The following SLC22A3 variants were observed in gnomAD, a reference collection of about 807,000 sequenced individuals.
SLC22A3 encodes solute carrier family 22 member 3.
In SLC22A3, 51 loss-of-function variants were observed where a neutral mutation model predicts 59.1. The ratio of observed to expected loss-of-function variants is 0.86; its 90% CI spans 0.69 to 1.09. SLC22A3 has a LOEUF of 1.09. Among genes scored for constraint, SLC22A3 ranks in the 50% least tolerant of loss-of-function variants. The pLI is 0.00. For synonymous variants in SLC22A3, 325 were observed against 292.0 expected (o/e 1.11, Z -1.15); for missense variants, 711 against 726.3 (o/e 0.98, Z 0.24).
chr6:160,437,842 C>T (rs899345702), intron 7 of SLC22A3, among the ~76,000 whole-genome samples: 2 of 152,112 alleles, frequency 1.3e-5, no homozygotes, highest in East Asian at 1.9e-4. Context: ...AGAGAGAGGA[C>T]GGACGTTTCC....
At position 160,408,808 on chromosome 6, in the gene SLC22A3, G is replaced by A. The variant is rs1409922741; in HGVS notation, c.744G>A (p.Met248Ile). The change falls in exon 4 of 11, where the codon ATG becomes ATA. Residue 248 changes from methionine (M) to isoleucine (I), a missense_variant. Physicochemically the swap from Met to Ile is conservative, Grantham distance 10 (BLOSUM62 1). Coordinates refer to ENST00000275300, the MANE Select transcript of SLC22A3 (RefSeq NM_021977.4). ...GGATTGTGGGAATCGTGATTCAAAT[G>A]TTCTTTACCCTTGGAATCATAATTC... ...QRRIVGIVIQ[M>I]FFTLGIIILP... The A allele has an allele frequency of 1.2e-6, 2 of 1,613,598 alleles. No individual in the cohort carries two copies. Among genetic ancestry groups the A allele is most frequent in the Admixed American group, 1.7e-5 (1 of 59,924 alleles).
rs533560374 is a variant in SLC22A3 at position 160,405,746 on chromosome 6, A to C, written c.534-1295A>C. Among the ~76,000 whole-genome samples, 707 of 152,294 alleles carry C rather than the reference A, an allele frequency of 4.6e-3. 3 individuals are homozygous for C. The highest frequency in any genetic ancestry group is 0.016 in the African/African-American group (682 of 41,572). On this transcript the variant is annotated intron_variant, in intron 2 of 10. Transcript: ENST00000275300. ...TATGGAATATTATTCCATGCTGAAAAGAAATGAGCTATCAAGCTATGAAAA... is the reference window on the plus strand; with the variant it reads ...TATGGAATATTATTCCATGCTGAAACGAAATGAGCTATCAAGCTATGAAAA...
At position 160,442,788 on chromosome 6, in the gene SLC22A3, C is replaced by A; in HGVS notation, c.1316C>A (p.Ala439Asp). 1.2e-6 allele frequency: 2 copies of A among 1,613,944 alleles called. No homozygotes were observed. Among genetic ancestry groups the A allele is most frequent in the South Asian group, 1.1e-5 (1 of 91,078 alleles). The change falls in exon 8 of 11, where the codon GCT (alanine) becomes GAT (aspartate). Residue 439 changes from alanine (A) to aspartate (D), a missense_variant. Coordinates refer to ENST00000275300, the MANE Select transcript of SLC22A3 (RefSeq NM_021977.4). ...ATAGCATGGTTGAGGACCACAGTGG[C>A]TACATTGGGAAGACTAGGGATAACC... ...EGIAWLRTTV[A>D]TLGRLGITMA... is the part of the protein sequence containing the mutation.
At chr6:160,447,148 TGA>T (rs1788774950) in intron 9 of SLC22A3, among the ~76,000 whole-genome samples, 2 of 152,146 alleles carry the variant, frequency 1.3e-5, no homozygotes. Flanking sequence ...GAGGTGAGAT[TGA>T]GAGAAGGCTG....
At chr6:160,370,999 C>T (rs955958577) in intron 1 of SLC22A3, among the ~76,000 whole-genome samples, 1 of 152,158 alleles carries the variant, frequency 6.6e-6, no homozygotes, top group African/African-American at 2.4e-5. Flanking sequence ...AGCTTACCTC[C>T]TCTCCCTCCT....
intron 7 of SLC22A3, among the ~76,000 whole-genome samples, chr6:160,441,415 C>A (rs1466731711): frequency 2.6e-5 from 4 of 152,068 alleles, no homozygotes. Context: ...CTCCTCACTG[C>A]CTGATATAAC....
chr6:160,419,960 T>C (rs956654996), intron 5 of SLC22A3, among the ~76,000 whole-genome samples: 1 of 152,210 alleles, frequency 6.6e-6, no homozygotes, highest in Admixed American at 6.5e-5. Flanking sequence ...TCTTTAGCTT[T>C]TTGAAAACAA....
chr6:160,365,873 A>C (rs1172487598), intron 1 of SLC22A3, among the ~76,000 whole-genome samples: 1 of 152,148 alleles, frequency 6.6e-6, no homozygotes, highest in African/African-American at 2.4e-5. Flanking sequence ...CCTTCTTCAC[A>C]TGGAGGCAGC....
In SLC22A3 at chr6:160,451,154, C is replaced by G; in HGVS notation, c.*98C>G. On this transcript the variant is annotated 3_prime_UTR_variant, in exon 11 of 11. Transcript: ENST00000275300. Reference sequence around the variant, plus strand: ...ATGCACGTGTGCATTTCAGCTACATCATGCCGCGCTGTTGTAATACTGTAT... The same window carrying G: ...ATGCACGTGTGCATTTCAGCTACATGATGCCGCGCTGTTGTAATACTGTAT... 3.7e-6 allele frequency: 4 copies of G among 1,073,160 alleles called. No homozygotes were observed. The highest frequency in any genetic ancestry group is 5.6e-6 in the Non-Finnish European group (4 of 710,740). The allele number at this position is 1,073,160 out of a possible 1,614,324, so 66.5% of individuals were successfully genotyped here.
intron 1 of SLC22A3, among the ~76,000 whole-genome samples, chr6:160,379,810 A>C (rs1451254690): frequency 6.6e-6 from 1 of 152,204 alleles, no homozygotes; most frequent in East Asian, 1.9e-4. Flanking sequence ...TGACTATGTC[A>C]CCAGATTTTA....
At chr6:160,416,044 A>G (rs1583492937) in intron 5 of SLC22A3, among the ~76,000 whole-genome samples, 1 of 152,310 alleles carries the variant, frequency 6.6e-6, no homozygotes, top group East Asian at 1.9e-4. Flanking sequence ...TATCCTGTAA[A>G]TCATCTCAGT....
Position 160,451,060 on chromosome 6 carries a change from C to A in SLC22A3, c.*4C>A, listed in dbSNP as rs1220280685. On this transcript the variant is annotated 3_prime_UTR_variant, in exon 11 of 11. Transcript: ENST00000275300. ...AGTTTCCCGCTCTCACCTTTGAGGC[C>A]CCCGACAAAGACAGAAAGAAGGAGC... The A allele has an allele frequency of 3.1e-6, 5 of 1,588,976 alleles. No individual in the cohort carries two copies. In the South Asian group the frequency reaches 4.6e-5, roughly 15 times the overall value.
intron 5 of SLC22A3, among the ~76,000 whole-genome samples, chr6:160,423,868 T>G (rs550257792): frequency 6.6e-6 from 1 of 152,362 alleles, no homozygotes; most frequent in East Asian, 1.9e-4. Context: ...GCCATTGCTT[T>G]TGGTGTTTTA....
intron 1 of SLC22A3, among the ~76,000 whole-genome samples, chr6:160,376,656 T>C (rs866756012): frequency 5.3e-5 from 8 of 152,324 alleles, no homozygotes; most frequent in South Asian, 4.1e-4. Flanking sequence ...TGCTCAATTG[T>C]TGAAGGCTGC....
At chr6:160,445,301 A>G (rs1216337987) in intron 9 of SLC22A3, among the ~76,000 whole-genome samples, 2 of 152,172 alleles carry the variant, frequency 1.3e-5, no homozygotes, top group Non-Finnish European at 2.9e-5. Flanking sequence ...AGGATGCCGC[A>G]TCCTCAAGCA....
chr6:160,371,365 A>C (rs1197316734), intron 1 of SLC22A3, among the ~76,000 whole-genome samples: 1 of 151,884 alleles, frequency 6.6e-6, no homozygotes, highest in Non-Finnish European at 1.5e-5. Context: ...CTGGTGTGTG[A>C]TGTTCCCCTC....
chr6:160,409,319 A>T (rs1238537135), intron 4 of SLC22A3, among the ~76,000 whole-genome samples: 2 of 100,296 alleles, frequency 2.0e-5, no homozygotes, highest in African/African-American at 7.9e-5. Flanking sequence ...ATGGTTTCCA[A>T]TTTCATCCAT....
intron 1 of SLC22A3, among the ~76,000 whole-genome samples, chr6:160,385,901 A>G (rs555974552): frequency 3.3e-4 from 51 of 152,288 alleles, no homozygotes; most frequent in African/African-American, 1.1e-3. Flanking sequence ...GGTCCTTTCA[A>G]TTGGAATGGG....
intron 3 of SLC22A3, among the ~76,000 whole-genome samples, chr6:160,408,474 C>T (rs953175683): frequency 3.9e-5 from 6 of 152,206 alleles, no homozygotes; most frequent in African/African-American, 1.4e-4. Flanking sequence ...AGATATTCTT[C>T]GTATTTCCCT....
Sources: allele counts gnomAD v4.1 joint callset (sites outside exome capture counted in the v4.1 genomes callset), GRCh38; gene constraint gnomAD v4.1.1; transcripts MANE v1.5; gene names NCBI Gene and HGNC (gene_info 2026-07-23, HGNC 2026-07-21).